The following KCND3 variants were observed in gnomAD, a reference collection of about 807,000 sequenced individuals.
The protein encoded by KCND3 is potassium voltage-gated channel subfamily D member 3.
A neutral mutation model predicts 51.1 loss-of-function variants in KCND3; 9 were observed. The ratio of observed to expected loss-of-function variants is 0.18; its 90% CI spans 0.11 to 0.31. The LOEUF (loss-of-function observed/expected upper bound fraction) is 0.31. Among genes scored for constraint, KCND3 ranks in the 10% least tolerant of loss-of-function variants. The pLI, the probability that KCND3 is intolerant of heterozygous loss-of-function variation, is 1.00. For missense variants in KCND3, 526 were observed against 903.8 expected (o/e 0.58, Z 5.36); for synonymous variants, 349 against 368.0 (o/e 0.95, Z 0.59).
At chr1:111,842,179 C>T (rs150611092) in intron 2 of KCND3, among the ~76,000 whole-genome samples, 15 of 152,220 alleles carry the variant, frequency 9.9e-5, no homozygotes, top group Admixed American at 5.2e-4. Context: ...ACACGGCATT[C>T]GCAGGGGACA....
chr1:111,863,343 A>C (rs979851825), intron 2 of KCND3, among the ~76,000 whole-genome samples: 32 of 152,222 alleles, frequency 2.1e-4, no homozygotes, highest in African/African-American at 7.5e-4. Context: ...AAAAAAAAAA[A>C]AACAGCTTAT....
intron 2 of KCND3, among the ~76,000 whole-genome samples, chr1:111,927,870 C>T (rs1317190707): frequency 6.6e-6 from 1 of 152,198 alleles, no homozygotes; most frequent in African/African-American, 2.4e-5. Flanking sequence ...ACTCCTCAGG[C>T]ATCCCAGGCC....
At chr1:111,888,005 G>T (rs773662202) in intron 2 of KCND3, among the ~76,000 whole-genome samples, 5 of 152,276 alleles carry the variant, frequency 3.3e-5, no homozygotes, top group Non-Finnish European at 5.9e-5. Flanking sequence ...AGCCAACACA[G>T]TGGACCTAGC....
intron 2 of KCND3, among the ~76,000 whole-genome samples, chr1:111,821,212 C>T (rs1451466768): frequency 6.6e-6 from 1 of 152,196 alleles, no homozygotes; most frequent in Non-Finnish European, 1.5e-5. Flanking sequence ...CACGCCCCAT[C>T]TGCAGAGGTC....
chr1:111,830,342 T>G (rs1265513203), intron 2 of KCND3, among the ~76,000 whole-genome samples: 1 of 152,216 alleles, frequency 6.6e-6, no homozygotes, highest in East Asian at 1.9e-4. Context: ...CTGGGCCCAG[T>G]GCGGTTCCTC....
intron 2 of KCND3, among the ~76,000 whole-genome samples, chr1:111,975,824 C>T (rs1410700101): frequency 2.0e-5 from 3 of 152,150 alleles, no homozygotes; most frequent in Non-Finnish European, 4.4e-5. Flanking sequence ...GTCCCTCCTG[C>T]CTGTTGGACT....
chr1:111,893,245 G>T (rs568301681), intron 2 of KCND3, among the ~76,000 whole-genome samples: 2 of 152,208 alleles, frequency 1.3e-5, no homozygotes, highest in African/African-American at 4.8e-5. Context: ...GGGAAGTTGT[G>T]AACTCTGGCT....
At chr1:111,801,718 C>T (rs758277282) in intron 2 of KCND3, among the ~76,000 whole-genome samples, 33 of 152,218 alleles carry the variant, frequency 2.2e-4, no homozygotes, top group Non-Finnish European at 4.3e-4. Context: ...GCTCCAACTG[C>T]GCTTTGCAAA....
chr1:111,901,559 C>A (rs373670127), intron 2 of KCND3, among the ~76,000 whole-genome samples: 4 of 152,180 alleles, frequency 2.6e-5, no homozygotes, highest in African/African-American at 7.2e-5. Flanking sequence ...ATGATGAATT[C>A]AATGAGCTGC....
At chr1:111,965,904 TG>T (rs1673958403) in intron 2 of KCND3, among the ~76,000 whole-genome samples, 1 of 152,180 alleles carries the variant, frequency 6.6e-6, no homozygotes. Context: ...CCCCTCTGTG[TG>T]CCAGGCACTC....
intron 3 of KCND3, among the ~76,000 whole-genome samples, chr1:111,781,162 G>A (rs1309618203): frequency 2.0e-5 from 3 of 152,172 alleles, no homozygotes; most frequent in African/African-American, 4.8e-5. Flanking sequence ...CCTTAGAGGA[G>A]TGTATGTGAT....
At chr1:111,910,427 G>C (rs1258262574) in intron 2 of KCND3, 1 of 152,260 alleles carries the variant, frequency 6.6e-6, no homozygotes, top group East Asian at 1.9e-4. Context: ...GAGTGGGGAG[G>C]ACAACCAGCC....
chr1:111,957,749 CTT>C (rs1384154724), intron 2 of KCND3, among the ~76,000 whole-genome samples: 1 of 152,148 alleles, frequency 6.6e-6, no homozygotes, highest in African/African-American at 2.4e-5. Context: ...TGTCCCATCT[CTT>C]GTTTTTATCA....
intron 2 of KCND3, among the ~76,000 whole-genome samples, chr1:111,798,371 T>C (rs1253806041): frequency 6.6e-6 from 1 of 152,204 alleles, no homozygotes; most frequent in Non-Finnish European, 1.5e-5. Flanking sequence ...GGGCTTTCCC[T>C]GACTTCCCCA....
intron 3 of KCND3, among the ~76,000 whole-genome samples, chr1:111,783,943 T>C (rs1452631303): frequency 6.6e-6 from 1 of 152,162 alleles, no homozygotes; most frequent in Non-Finnish European, 1.5e-5. Flanking sequence ...ATTTTTGAAA[T>C]TAAAACATTT....
intron 6 of KCND3, 142 bp downstream of exon 6, chr1:111,778,294 G>T: frequency 1.2e-6 from 1 of 816,424 alleles, no homozygotes; most frequent in Non-Finnish European, 2.2e-6. Context: ...GCTGGTGCTG[G>T]GTGTGACAGC....
chr1:111,909,505 C>T (rs1286139689), intron 2 of KCND3: 1 of 152,162 alleles, frequency 6.6e-6, no homozygotes, highest in Non-Finnish European at 1.5e-5. Flanking sequence ...CAAACGGTAA[C>T]ACAGAAAGCA....
At chr1:111,783,574 T>A (rs1189609757) in intron 3 of KCND3, among the ~76,000 whole-genome samples, 72 of 152,120 alleles carry the variant, frequency 4.7e-4, no homozygotes, top group Non-Finnish European at 4.4e-5. Flanking sequence ...CTTTTAACCA[T>A]GAGTATTTCT....
intron 2 of KCND3, among the ~76,000 whole-genome samples, chr1:111,930,354 G>A (rs1156398416): frequency 5.9e-5 from 9 of 152,212 alleles, no homozygotes; most frequent in Admixed American, 6.5e-5. Context: ...GAGGGCCTTC[G>A]CCGTTTAATG....
Sources: gnomAD v4.1 joint callset for allele counts (sites outside exome capture counted in the v4.1 genomes callset) on GRCh38, gnomAD v4.1.1 for gene constraint, MANE v1.5 for transcripts, NCBI Gene and HGNC (gene_info 2026-07-23, HGNC 2026-07-21) for gene names.